The following SKA3 variants were observed in gnomAD, a reference collection of about 807,000 sequenced individuals.
The protein encoded by SKA3 is spindle and kinetochore-associated protein 3.
SKA3 carries 39 observed loss-of-function variants against 44.2 expected under a neutral mutation model. That is an observed-to-expected ratio of 0.88 (90% CI 0.68 to 1.15). SKA3 has a LOEUF of 1.15. SKA3 is among the 50% of genes most tolerant of loss of function. The probability of loss-of-function intolerance (pLI) is 0.00; values close to 1 mark genes in which losing one functional copy is unlikely to be tolerated. For synonymous variants in SKA3, 192 were observed against 172.0 expected (o/e 1.12, Z -0.91); for missense variants, 511 against 485.8 (o/e 1.05, Z -0.49).
At chr13:21,168,949 T>C (rs1300536316) in intron 3 of SKA3, among the ~76,000 whole-genome samples, 1 of 152,174 alleles carries the variant, frequency 6.6e-6, no homozygotes, top group Non-Finnish European at 1.5e-5. Flanking sequence ...AGATGAAAAA[T>C]TAATATTCAC....
chr13:21,158,166 C>T lies in SKA3; in HGVS notation c.916-41G>A, dbSNP rs917802472. 15 of 985,554 alleles carry T rather than the reference C, an allele frequency of 1.5e-5. No homozygotes were observed. In the African/African-American group the frequency reaches 1.6e-4, roughly 11 times the overall value. 61.1% of individuals were successfully genotyped at this position (985,554 alleles called of 1,614,324 possible). ...AGACCATTAAATTATGGTAATATAA[C>T]ATAATGTAGTAAATAAAAATAGTTA... On this transcript the variant is annotated intron_variant, in intron 6 of 8. Transcript: ENST00000314759.
At chr13:21,161,189 G>C (rs1870419221) in intron 5 of SKA3, among the ~76,000 whole-genome samples, 1 of 152,116 alleles carries the variant, frequency 6.6e-6, no homozygotes, top group Non-Finnish European at 1.5e-5. Flanking sequence ...AGGATTGCTT[G>C]AGCCTGGGAA....
At chr13:21,168,925 T>A (rs75973434) in intron 3 of SKA3, among the ~76,000 whole-genome samples, 1,923 of 152,348 alleles carry the variant, frequency 0.013, 15 homozygotes, top group Non-Finnish European at 0.02. Context: ...GGAAAGCAAG[T>A]TAAAAGTGTT....
intron 4 of SKA3, among the ~76,000 whole-genome samples, chr13:21,163,275 T>C (rs555618998): frequency 6.6e-6 from 1 of 152,218 alleles, no homozygotes; most frequent in Non-Finnish European, 1.5e-5. Context: ...CTTCCCAACT[T>C]GGTACCCATC....
rs1870024949 is a variant in SKA3, at chr13:21,155,016, G to C, written c.*134C>G. The stretch of plus-strand genomic sequence containing the variant: ...ATAAAAAGCATATTATGATGTTAAT[G>C]TTCATGTTTGTCTTTAAAATGGGTC... On this transcript the variant is annotated 3_prime_UTR_variant, in exon 9 of 9. Transcript: ENST00000314759. 1 of 1,403,050 alleles carries C rather than the reference G, an allele frequency of 7.1e-7. No homozygotes were observed. Among genetic ancestry groups the C allele is most frequent in the African/African-American group, 1.5e-5 (1 of 68,870 alleles). The allele number at this position is 1,403,050 out of a possible 1,614,324, so 86.9% of individuals were successfully genotyped here. A position where few individuals can be genotyped will look rare whatever the true frequency, so the allele number is the denominator to read the frequency against.
intron 3 of SKA3, among the ~76,000 whole-genome samples, chr13:21,172,079 T>TA (rs1330625577): frequency 1.3e-5 from 2 of 152,238 alleles, no homozygotes; most frequent in Admixed American, 1.3e-4. Context: ...CCATCTAGCC[T>TA]AAATGTGCTA....
In SKA3 at chr13:21,155,812, C is replaced by CAAA; in HGVS notation, c.1120-2_1120-1insTTT. The stretch of plus-strand genomic sequence containing the variant: ...GGTTTGAGTTGTATTTTGATAAAAG[C>CAAA]TAAAAAAAAAAAAGGAAATTCCTTT... On this transcript the variant is annotated splice_acceptor_variant, in intron 7 of 8. Transcript: ENST00000314759. LOFTEE classifies it high-confidence loss of function. 2.7e-6 allele frequency: 3 copies of CAAA among 1,128,540 alleles called. No individual in the cohort carries two copies. Among genetic ancestry groups the CAAA allele is most frequent in the South Asian group, 1.4e-5 (1 of 69,056 alleles). 69.9% of individuals were successfully genotyped at this position (1,128,540 alleles called of 1,614,324 possible).
At chr13:21,174,283 T>G (rs895341212) in intron 1 of SKA3, among the ~76,000 whole-genome samples, 4 of 152,188 alleles carry the variant, frequency 2.6e-5, no homozygotes, top group African/African-American at 9.7e-5. Context: ...TAAAGACACA[T>G]GCACACTTAT....
intron 1 of SKA3, among the ~76,000 whole-genome samples, chr13:21,173,346 T>A (rs1411301049): frequency 6.6e-6 from 1 of 152,142 alleles, no homozygotes; most frequent in Non-Finnish European, 1.5e-5. Context: ...AACCTTCACC[T>A]CCCGGATTCA....
At chr13:21,158,224 G>GAA in intron 6 of SKA3, 99 bp from the exon 7 acceptor site, 4 of 628,872 alleles carry the variant, frequency 6.4e-6, no homozygotes, top group Non-Finnish European at 7.3e-6. Flanking sequence ...GTCTCTAATA[G>GAA]GCTCCCATAT....
At position 21,168,237 on chromosome 13, in the gene SKA3, C is replaced by A; in HGVS notation, c.494G>T (p.Arg165Leu). The change falls in exon 4 of 9, where the codon CGG becomes CTG. Residue 165 changes from arginine (R) to leucine (L), a missense_variant. Coordinates refer to ENST00000314759, the MANE Select transcript of SKA3 (RefSeq NM_145061.6). ...TGGTAGAACTTGGGATACGATGTACCGCTCAAGTCCAAAATCTGAAAGTTG... is the reference window on the plus strand; with the variant it reads ...TGGTAGAACTTGGGATACGATGTACAGCTCAAGTCCAAAATCTGAAAGTTG... ...SPQLSDFGLERYIVSQVLPNP... is the reference protein window; with the variant it reads ...SPQLSDFGLELYIVSQVLPNP... 1 of 1,614,124 alleles carries A rather than the reference C, an allele frequency of 6.2e-7. No individual in the cohort carries two copies.
chr13:21,154,622 A>T lies in SKA3; in HGVS notation c.*528T>A, dbSNP rs1869997280. On this transcript the variant is annotated 3_prime_UTR_variant, in exon 9 of 9. Transcript: ENST00000314759. Reference sequence around the variant, plus strand: ...CCTCCAATGGTCACAGTATATAGTTACCCAGGCCTGGAAATCTCCCTCTTT... The same window carrying T: ...CCTCCAATGGTCACAGTATATAGTTTCCCAGGCCTGGAAATCTCCCTCTTT... The T allele has an allele frequency of 6.0e-6, 1 of 165,916 alleles. No homozygotes were observed. The highest frequency in any genetic ancestry group is 1.5e-4 in the South Asian group (1 of 6,706). 10.3% of individuals were successfully genotyped at this position (165,916 alleles called of 1,614,324 possible). A position where few individuals can be genotyped will look rare whatever the true frequency, so the allele number is the denominator to read the frequency against.
intron 3 of SKA3, among the ~76,000 whole-genome samples, chr13:21,170,479 C>T (rs542546725): frequency 7.2e-5 from 11 of 152,218 alleles, no homozygotes; most frequent in South Asian, 2.1e-4. Flanking sequence ...CGTGCCTGGC[C>T]GGTTATATAC....
Position 21,154,646 on chromosome 13 carries a change from T to C in SKA3, c.*504A>G, listed in dbSNP as rs1869999227. 1 of 168,614 alleles carries C rather than the reference T, an allele frequency of 5.9e-6. No homozygotes were observed. The highest frequency in any genetic ancestry group is 6.0e-5 in the Admixed American group (1 of 16,570). The allele number at this position is 168,614 out of a possible 1,614,324, so 10.4% of individuals were successfully genotyped here. A position where few individuals can be genotyped will look rare whatever the true frequency, so the allele number is the denominator to read the frequency against. ...TACCCAGGCCTGGAAATCTCCCTCT[T>C]TTCCTAATTAGTTTAACTGGTGTTC... On this transcript the variant is annotated 3_prime_UTR_variant, in exon 9 of 9. Transcript: ENST00000314759.
Position 21,161,811 on chromosome 13 carries a change from T to C in SKA3, c.808A>G (p.Ile270Val). The change falls in exon 5 of 9, where the codon ATC becomes GTC. Residue 270 changes from isoleucine to valine, a missense_variant. By Grantham distance (29) the Ile-to-Val change is conservative. Transcript: ENST00000314759. ...TTACCACTTTTTTCCAACTGCTGGA[T>C]GATGGGGCTGGGAGTGGCAAAAACA... ...DNVFATPSPI[I>V]QQLEKSDAEY... The C allele has an allele frequency of 6.2e-7, 1 of 1,611,916 alleles. No homozygotes were observed. Among genetic ancestry groups the C allele is most frequent in the Non-Finnish European group, 8.5e-7 (1 of 1,178,616 alleles).
In SKA3 at chr13:21,155,135, AGATCCACTG is replaced by A; in HGVS notation, c.*6_*14del. 6.2e-7 allele frequency: 1 copy of A among 1,612,632 alleles called. No individual in the cohort carries two copies. The highest frequency in any genetic ancestry group is 8.5e-7 in the Non-Finnish European group (1 of 1,179,250). On this transcript the variant is annotated 3_prime_UTR_variant, in exon 9 of 9. Transcript: ENST00000314759. ...ATTTTGTTCAGTTTCTGTGTTGGAT[AGATCCACTG>A]GAATTTCTGCAACAGATACAAATAA...
Position 21,168,273 on chromosome 13 carries a change from G to A in SKA3, c.458C>T (p.Pro153Leu). ...VASSCISEKS[P>L]RSPQLSDFGL... ...AAAATCTGAAAGTTGTGGACTACGT[G>A]GAGACTTCTCAGAAATACAACTGCT... Residue 153 changes from proline to leucine, a missense_variant, in exon 4 of 9, where the codon CCA (proline) becomes CTA (leucine). Physicochemically the swap from Pro to Leu is moderately conservative, Grantham distance 98. Transcript: ENST00000314759. The A allele has an allele frequency of 1.2e-6, 2 of 1,614,156 alleles. No homozygotes were observed. Among genetic ancestry groups the A allele is most frequent in the South Asian group, 2.2e-5 (2 of 91,084 alleles).
intron 3 of SKA3, among the ~76,000 whole-genome samples, chr13:21,170,746 T>C (rs1267336557): frequency 6.6e-6 from 1 of 152,170 alleles, no homozygotes; most frequent in East Asian, 1.9e-4. Flanking sequence ...GAGATATTAT[T>C]ATCCCCATCT....
Position 21,176,545 on chromosome 13 carries a change from A to T in SKA3, c.-68T>A, listed in dbSNP as rs1062234. 4 of 992,688 alleles carry T rather than the reference A, an allele frequency of 4.0e-6. No individual in the cohort carries two copies. Among genetic ancestry groups the T allele is most frequent in the Non-Finnish European group, 5.3e-6 (4 of 754,082 alleles). The allele number at this position is 992,688 out of a possible 1,614,324, so 61.5% of individuals were successfully genotyped here. On this transcript the variant is annotated 5_prime_UTR_variant, in exon 1 of 9. Transcript: ENST00000314759. ...ACCGCTCAGCTCACAGCCTCCCGCC[A>T]CTAGTTTGAATCTCGGCGCCGGACG...
Sources: allele counts gnomAD v4.1 joint callset (sites outside exome capture counted in the v4.1 genomes callset), GRCh38; gene constraint gnomAD v4.1.1; transcripts MANE v1.5; gene names NCBI Gene and HGNC (gene_info 2026-07-23, HGNC 2026-07-21).